CRYM: variants seen among roughly 807,000 people sequenced by gnomAD.
CRYM encodes crystallin mu.
In CRYM, 18 loss-of-function variants were observed where a neutral mutation model predicts 32.9. That is an observed-to-expected ratio of 0.55 (90% CI 0.38 to 0.81). The LOEUF (loss-of-function observed/expected upper bound fraction) is 0.81, where lower values mean the gene tolerates loss of function less well. CRYM is among the 30% of genes least tolerant of loss of function. CRYM has a pLI of 0.00. For synonymous variants in CRYM, 153 were observed against 152.4 expected, an observed-to-expected ratio of 1.00 and a Z score of -0.03; for missense variants, 337 against 393.5, an observed-to-expected ratio of 0.86 and a Z score of 1.21.
intron 3 of CRYM, among the ~76,000 whole-genome samples, chr16:21,272,658 T>C (rs1331190297): frequency 6.6e-6 from 1 of 151,406 alleles, no homozygotes; most frequent in Non-Finnish European, 1.5e-5. Flanking sequence ...TGAATTTTTT[T>C]TTTTTTTTTG....
At chr16:21,275,629 C>A (rs779351052) in intron 2 of CRYM, 35 bp from the exon 3 acceptor site, 1 of 1,517,808 alleles carries the variant, frequency 6.6e-7, no homozygotes, top group East Asian at 2.2e-5. Context: ...GCAAGGGGAA[C>A]CCCTGTCCAC....
intron 5 of CRYM, 21 bp from the exon 6 acceptor site, chr16:21,262,179 C>T (rs2093355809): frequency 6.2e-7 from 1 of 1,613,812 alleles, no homozygotes; most frequent in African/African-American, 1.3e-5. Flanking sequence ...GCAAAACAGA[C>T]CTTAAGCCCA....
intron 7 of CRYM, among the ~76,000 whole-genome samples, chr16:21,260,814 C>T (rs1398093078): frequency 6.6e-6 from 1 of 152,200 alleles, no homozygotes; most frequent in African/African-American, 2.4e-5. Context: ...GCTATACTTT[C>T]CATCTGACTC....
chr16:21,272,164 A>C (rs1346869271), intron 3 of CRYM, among the ~76,000 whole-genome samples: 1 of 151,996 alleles, frequency 6.6e-6, no homozygotes, highest in East Asian at 1.9e-4. Context: ...CACCCAGCCG[A>C]TTTTTAATCA....
chr16:21,270,169 ATCT>A (rs1414901904), intron 3 of CRYM, among the ~76,000 whole-genome samples: 2 of 152,184 alleles, frequency 1.3e-5, no homozygotes, highest in Admixed American at 6.5e-5. Flanking sequence ...GACTCCTACT[ATCT>A]TCTTCTTACA....
chr16:21,260,393 G>T (rs1301683485), intron 7 of CRYM, among the ~76,000 whole-genome samples: 2 of 152,136 alleles, frequency 1.3e-5, no homozygotes, highest in Admixed American at 6.5e-5. Flanking sequence ...TCCACCTTCC[G>T]GGTTCAAGTG....
At chr16:21,275,006 G>T (rs9928765) in intron 3 of CRYM, among the ~76,000 whole-genome samples, 40,827 of 152,102 alleles carry the variant, frequency 0.27, 5,927 homozygotes, top group African/African-American at 0.36. Context: ...CCTGACACAT[G>T]ATAGAAGCCC....
At chr16:21,283,825 TGGC>T (rs2093402693) in intron 1 of CRYM, 1 of 152,282 alleles carries the variant, frequency 6.6e-6, no homozygotes, top group Non-Finnish European at 1.5e-5. Context: ...GGTGTGCCTC[TGGC>T]GGGTCCGCGC....
At chr16:21,270,307 G>C (rs537225585) in intron 3 of CRYM, among the ~76,000 whole-genome samples, 2 of 150,786 alleles carry the variant, frequency 1.3e-5, no homozygotes, top group Admixed American at 1.3e-4. Flanking sequence ...TTTTTGAGAT[G>C]GAGTCTCGCT....
At chr16:21,281,524 C>G (rs1026330693), upstream of CRYM, among the ~76,000 whole-genome samples, 3 of 152,162 alleles carry the variant, frequency 2.0e-5, no homozygotes, top group African/African-American at 7.2e-5. Flanking sequence ...AGCCACCGTG[C>G]CCGGCTGAAG....
At position 21,267,743 on chromosome 16, in the gene CRYM, T is replaced by C. The variant is rs779383484; in HGVS notation, c.490-6A>G. The stretch of plus-strand genomic sequence containing the variant: ...GTGCGGTTCCATATCCTCACCTTCA[T>C]TGGGAGTAACAAGAAGGATATTGGC... On this transcript the variant is annotated splice_region_variant and splice_polypyrimidine_tract_variant and intron_variant, in intron 4 of 7. Transcript: ENST00000572914. The C allele has an allele frequency of 4.6e-5, 75 of 1,614,100 alleles. No homozygotes were observed. The highest frequency in any genetic ancestry group is 1.1e-4 in the South Asian group (10 of 91,094).
intron 1 of CRYM, among the ~76,000 whole-genome samples, chr16:21,285,907 C>A (rs2093406427): frequency 6.6e-6 from 1 of 152,180 alleles, no homozygotes; most frequent in Non-Finnish European, 1.5e-5. Flanking sequence ...TATTAAAAAT[C>A]ATCTTTGTCC....
chr16:21,299,547 T>C (rs777890389), intron 1 of CRYM, among the ~76,000 whole-genome samples: 1 of 152,168 alleles, frequency 6.6e-6, no homozygotes, highest in African/African-American at 2.4e-5. Flanking sequence ...TGACCTCAGG[T>C]GATCCGCTCG....
At chr16:21,269,143 C>CA (rs35798113) in intron 4 of CRYM, among the ~76,000 whole-genome samples, 2,061 of 77,826 alleles carry the variant, frequency 0.026, 59 homozygotes, top group East Asian at 0.17. Flanking sequence ...GACTCCATTT[C>CA]AAAAAAAAAA....
At chr16:21,292,929 G>A (rs1351410392) in intron 1 of CRYM, among the ~76,000 whole-genome samples, 4 of 152,062 alleles carry the variant, frequency 2.6e-5, no homozygotes, top group Admixed American at 2.6e-4. Flanking sequence ...ATTAGCATGA[G>A]TAGAGACAGA....
chr16:21,274,686 A>G (rs2093382527), intron 3 of CRYM, among the ~76,000 whole-genome samples: 1 of 151,928 alleles, frequency 6.6e-6, no homozygotes, highest in African/African-American at 2.4e-5. Context: ...GCTCATTGCA[A>G]CCTCTGCCTC....
At chr16:21,290,970 A>G (rs1960637374) in intron 1 of CRYM, among the ~76,000 whole-genome samples, 1 of 152,312 alleles carries the variant, frequency 6.6e-6, no homozygotes, top group Middle Eastern at 3.4e-3. Context: ...GCTTTCCCAA[A>G]AGGATTTTCC....
In CRYM at chr16:21,262,079, C is replaced by T; in HGVS notation, c.753G>A (p.Gln251=). 6.2e-7 allele frequency: 1 copy of T among 1,614,124 alleles called. No individual in the cohort carries two copies. ...MKEAVLYVDS[Q]EAALKESGDV... is the part of the protein sequence containing the mutation. The stretch of plus-strand genomic sequence containing the variant: ...CTCCAGACTCCTTCAGGGCAGCCTC[C>T]TGGGAATCCACGTACAGCACAGCTT... The change falls in exon 6 of 8, where the codon CAG becomes CAA. Residue 251 remains glutamine (Q), a synonymous_variant. Transcript: ENST00000572914.
At chr16:21,283,135 G>A (rs1205774335), upstream of CRYM, among the ~76,000 whole-genome samples, 6 of 152,094 alleles carry the variant, frequency 3.9e-5, no homozygotes, top group African/African-American at 1.2e-4. Context: ...ACCCCTAACA[G>A]ACCCTGCGGA....
Sources: allele counts gnomAD v4.1 joint callset (sites outside exome capture counted in the v4.1 genomes callset), GRCh38; gene constraint gnomAD v4.1.1; transcripts MANE v1.5; gene names NCBI Gene and HGNC (gene_info 2026-07-23, HGNC 2026-07-21).